The following GLT8D2 variants were observed in gnomAD, a reference collection of about 807,000 sequenced individuals.
GLT8D2 encodes glycosyltransferase 8 domain containing 2, also known as glycosyltransferase 8 domain-containing protein 2.
GLT8D2 carries 45 observed loss-of-function variants against 44.5 expected under a neutral mutation model. The ratio of observed to expected loss-of-function variants is 1.01; its 90% CI spans 0.80 to 1.30. GLT8D2 has a LOEUF of 1.30. Ranked by LOEUF, GLT8D2 falls within the 50% of genes most tolerant of loss-of-function variation. The pLI, the probability that GLT8D2 is intolerant of heterozygous loss-of-function variation, is 0.00. For synonymous variants in GLT8D2, 156 were observed against 157.2 expected, an observed-to-expected ratio of 0.99 and a Z score of 0.06; for missense variants, 400 against 430.4, an observed-to-expected ratio of 0.93 and a Z score of 0.62.
chr12:104,011,729 G>T (rs1443167971), intron 4 of GLT8D2, among the ~76,000 whole-genome samples: 1 of 152,014 alleles, frequency 6.6e-6, no homozygotes, highest in Non-Finnish European at 1.5e-5. Context: ...AAAAATTTCA[G>T]CCCAAACAGA....
chr12:104,019,226 CAA>C (rs558783571), intron 3 of GLT8D2, among the ~76,000 whole-genome samples: 74 of 150,858 alleles, frequency 4.9e-4, no homozygotes, highest in African/African-American at 1.8e-3. Context: ...CTCCCAGGCT[CAA>C]GTGATCCCCC....
upstream of GLT8D2, among the ~76,000 whole-genome samples, chr12:104,052,351 CACA>C (rs1470879552): frequency 6.6e-6 from 1 of 152,188 alleles, no homozygotes; most frequent in African/African-American, 2.4e-5. Context: ...TTTTTAGCCA[CACA>C]ACATTTCTGG....
At chr12:104,061,633 G>A (rs765039715) in intron 1 of GLT8D2, among the ~76,000 whole-genome samples, 49 of 152,022 alleles carry the variant, frequency 3.2e-4, no homozygotes, top group Non-Finnish European at 5.7e-4. Flanking sequence ...TTTTCTGTTC[G>A]CAGACATCTT....
intron 4 of GLT8D2, among the ~76,000 whole-genome samples, chr12:104,013,058 C>A (rs1425912084): frequency 1.3e-5 from 2 of 152,216 alleles, no homozygotes; most frequent in African/African-American, 4.8e-5. Flanking sequence ...TTTGTTATGG[C>A]AGCCCAAGCA....
At chr12:104,057,154 A>G (rs1882244600) in intron 1 of GLT8D2, among the ~76,000 whole-genome samples, 1 of 152,200 alleles carries the variant, frequency 6.6e-6, no homozygotes, top group African/African-American at 2.4e-5. Context: ...AAGGATAAAG[A>G]TGTTCCAGAA....
chr12:104,019,492 G>A (rs374089965), intron 3 of GLT8D2, 138 bp downstream of exon 3: 2 of 681,786 alleles, frequency 2.9e-6, no homozygotes, highest in Non-Finnish European at 5.1e-6. Context: ...AAATGATGAT[G>A]CCAAAAAGTG....
At chr12:104,044,542 T>C (rs1249458477) in intron 1 of GLT8D2, among the ~76,000 whole-genome samples, 1 of 152,172 alleles carries the variant, frequency 6.6e-6, no homozygotes, top group African/African-American at 2.4e-5. Flanking sequence ...AATTAGCACC[T>C]CCCCTACAGA....
At chr12:104,045,597 C>T (rs2136493413) in intron 1 of GLT8D2, among the ~76,000 whole-genome samples, 1 of 152,174 alleles carries the variant, frequency 6.6e-6, no homozygotes, top group Admixed American at 6.5e-5. Flanking sequence ...AAAATAAGCC[C>T]CTGAAGACCT....
chr12:103,997,527 A>T lies in GLT8D2; in HGVS notation c.411T>A (p.Phe137Leu). The change falls in exon 7 of 11, where the codon TTT (phenylalanine) becomes TTA (leucine). Residue 137 changes from phenylalanine (F) to leucine (L), a missense_variant. By Grantham distance (22) the Phe-to-Leu change is conservative. Transcript: ENST00000360814. ...SRPELLQPLN[F>L]VRFYLPLLIH... The stretch of plus-strand genomic sequence containing the variant: ...TAAGTAGAGGGAGATAAAATCGAAC[A>T]AAGTTCAGCTGTTAAAACGACAAAA... 1 of 1,613,022 alleles carries T rather than the reference A, an allele frequency of 6.2e-7. No homozygotes were observed. Among genetic ancestry groups the T allele is most frequent in the Non-Finnish European group, 8.5e-7 (1 of 1,178,948 alleles).
Position 104,016,729 on chromosome 12 carries a change from A to G in GLT8D2, c.20-1624T>C, listed in dbSNP as rs1283636413. On this transcript the variant is annotated intron_variant, in intron 3 of 10. Coordinates refer to ENST00000360814, the MANE Select transcript of GLT8D2 (RefSeq NM_001384711.1). ...GGAGAGAGAAAGAAAGAAAGAAAGAAAGAAAGAAAGAAAGAAAGAAAGAAA... is the reference window on the plus strand; with the variant it reads ...GGAGAGAGAAAGAAAGAAAGAAAGAGAGAAAGAAAGAAAGAAAGAAAGAAA... Among the ~76,000 whole-genome samples the G allele has an allele frequency of 6.7e-3, 483 of 71,808 alleles. 7 individuals carry two copies. Among genetic ancestry groups the G allele is most frequent in the Middle Eastern group, 0.012 (2 of 166 alleles). 47.1% of individuals were successfully genotyped at this position (71,808 alleles called of 152,430 possible).
chr12:104,010,653 T>C (rs1269493747), intron 4 of GLT8D2, among the ~76,000 whole-genome samples: 1 of 152,216 alleles, frequency 6.6e-6, no homozygotes, highest in South Asian at 2.1e-4. Flanking sequence ...CAATACGATC[T>C]GAATAGATGG....
At chr12:104,013,719 C>A (rs909102085) in intron 4 of GLT8D2, among the ~76,000 whole-genome samples, 2 of 151,142 alleles carry the variant, frequency 1.3e-5, no homozygotes, top group Admixed American at 1.3e-4. Context: ...AAAAAAAAAA[C>A]AAAACTGTGG....
intron 4 of GLT8D2, among the ~76,000 whole-genome samples, chr12:104,006,992 C>T (rs1005428040): frequency 2.0e-5 from 3 of 152,174 alleles, no homozygotes; most frequent in Non-Finnish European, 4.4e-5. Context: ...TCTCCTATCC[C>T]CATTCTAGTC....
intron 4 of GLT8D2, among the ~76,000 whole-genome samples, chr12:104,010,620 G>A (rs967437230): frequency 5.9e-5 from 9 of 152,096 alleles, no homozygotes; most frequent in African/African-American, 2.2e-4. Context: ...AGCTGTCCCA[G>A]TGCCTGGCAC....
chr12:103,999,293 G>T, intron 6 of GLT8D2, 104 bp downstream of exon 6: 1 of 658,880 alleles, frequency 1.5e-6, no homozygotes. Context: ...ACTCCACATG[G>T]CTTCAAAAAT....
At chr12:104,004,214 T>C (rs1163910653) in intron 4 of GLT8D2, among the ~76,000 whole-genome samples, 2 of 152,180 alleles carry the variant, frequency 1.3e-5, no homozygotes, top group African/African-American at 4.8e-5. Context: ...AAATTAGGCA[T>C]TGATGGGACG....
chr12:104,061,255 C>A (rs1056368700), intron 1 of GLT8D2, among the ~76,000 whole-genome samples: 1 of 152,222 alleles, frequency 6.6e-6, no homozygotes, highest in African/African-American at 2.4e-5. Flanking sequence ...AGCTTGCAAT[C>A]TCTTTTGTCT....
In GLT8D2 at chr12:103,993,373, G is replaced by T; in HGVS notation, c.880+19C>A. 1.3e-6 allele frequency: 2 copies of T among 1,569,164 alleles called. No individual in the cohort carries two copies. Among genetic ancestry groups the T allele is most frequent in the Non-Finnish European group, 1.8e-6 (2 of 1,139,188 alleles). Reference sequence around the variant, plus strand: ...ATGGACATTTGCGTTTTTCTAAACAGTTTTTCTGAAATACTTACCCAGGTG... The same window carrying T: ...ATGGACATTTGCGTTTTTCTAAACATTTTTTCTGAAATACTTACCCAGGTG... On this transcript the variant is annotated intron_variant, in intron 10 of 10. Transcript: ENST00000360814.
At chr12:104,060,527 T>C (rs184601977) in intron 1 of GLT8D2, among the ~76,000 whole-genome samples, 9 of 152,336 alleles carry the variant, frequency 5.9e-5, no homozygotes, top group African/African-American at 2.4e-5. Context: ...GCTGTACCTA[T>C]GAATATGACT....
Sources: allele counts gnomAD v4.1 joint callset (sites outside exome capture counted in the v4.1 genomes callset), GRCh38; gene constraint gnomAD v4.1.1; transcripts MANE v1.5; gene names NCBI Gene and HGNC (gene_info 2026-07-23, HGNC 2026-07-21).